Variants in ALPK1 observed in about 807,000 individuals in gnomAD.
ALPK1 encodes alpha kinase 1.
Under a neutral mutation model 120.6 loss-of-function variants are expected in ALPK1, and 110 were observed. That is an observed-to-expected ratio of 0.91 (90% confidence interval 0.78 to 1.07). ALPK1 has a LOEUF of 1.07. ALPK1 is among the 50% of genes least tolerant of loss of function. The pLI is 0.00. For missense variants in ALPK1, 1,498 were observed against 1,483.9 expected, an observed-to-expected ratio of 1.01 and a Z score of -0.16; for synonymous variants, 582 against 560.3, an observed-to-expected ratio of 1.04 and a Z score of -0.55.
intron 2 of ALPK1, among the ~76,000 whole-genome samples, chr4:112,344,960 T>C (rs1420266246): frequency 6.6e-6 from 1 of 152,246 alleles, no homozygotes; most frequent in Admixed American, 6.5e-5. Flanking sequence ...AGACTACTTT[T>C]TCGTATTTAA....
At chr4:112,364,563 G>C (rs12331882) in intron 2 of ALPK1, among the ~76,000 whole-genome samples, 1 of 151,786 alleles carries the variant, frequency 6.6e-6, no homozygotes, top group Admixed American at 6.6e-5. Context: ...GATTGAAATG[G>C]TAATTACCCC....
rs563805416 is a variant in ALPK1 at position 112,429,571 on chromosome 4, C to T, written c.900+318C>T. Among the ~76,000 whole-genome samples, 369 of 152,246 alleles carry T rather than the reference C, an allele frequency of 2.4e-3. 3 individuals carry two copies. Among genetic ancestry groups the T allele is most frequent in the Non-Finnish European group, 2.8e-3 (190 of 67,998 alleles). ...TATTCCTGCCAGGCATGGTGGCTCA[C>T]GCCTGTAATCCCATCACTTTGGGAG... On this transcript the variant is annotated intron_variant, in intron 10 of 15. Transcript: ENST00000650871.
chr4:112,365,134 A>G (rs1337079536), intron 2 of ALPK1, among the ~76,000 whole-genome samples: 1 of 152,164 alleles, frequency 6.6e-6, no homozygotes, highest in East Asian at 1.9e-4. Flanking sequence ...GCATTCCCCG[A>G]GAGCTGGAAC....
At chr4:112,341,591 A>G (rs554685222) in intron 2 of ALPK1, among the ~76,000 whole-genome samples, 1 of 152,246 alleles carries the variant, frequency 6.6e-6, no homozygotes, top group South Asian at 2.1e-4. Context: ...AAATTTATTG[A>G]TCTTCTCCTC....
chr4:112,436,657 C>G (rs1372950758), intron 12 of ALPK1, among the ~76,000 whole-genome samples: 2 of 152,226 alleles, frequency 1.3e-5, no homozygotes, highest in African/African-American at 4.8e-5. Flanking sequence ...AGCTGGGAGA[C>G]AGCCTGAAAC....
chr4:112,323,171 A>G (rs997366332), intron 2 of ALPK1, among the ~76,000 whole-genome samples: 7 of 151,962 alleles, frequency 4.6e-5, no homozygotes, highest in African/African-American at 1.2e-4. Flanking sequence ...TTTCACTTCC[A>G]CTGTCTGGAG....
intron 2 of ALPK1, among the ~76,000 whole-genome samples, chr4:112,366,560 G>T (rs145851097): frequency 0.021 from 3,139 of 152,264 alleles, 44 homozygotes; most frequent in Admixed American, 0.031. Flanking sequence ...ATAGATGTTG[G>T]CATGGATGTG....
chr4:112,386,402 T>G (rs1379068905), intron 4 of ALPK1, among the ~76,000 whole-genome samples: 1 of 152,238 alleles, frequency 6.6e-6, no homozygotes, highest in Non-Finnish European at 1.5e-5. Flanking sequence ...TTAATGTGGC[T>G]GTAATAGCTG....
chr4:112,378,746 T>C (rs2148727054), intron 3 of ALPK1, among the ~76,000 whole-genome samples: 1 of 152,374 alleles, frequency 6.6e-6, no homozygotes, highest in Non-Finnish European at 1.5e-5. Context: ...TCCTCATTTT[T>C]TGCTGTTGTT....
chr4:112,357,690 G>A lies in ALPK1; in HGVS notation c.-100-19988G>A, dbSNP rs1578496134. 1.9e-6 allele frequency: 3 copies of A among 1,586,774 alleles called. 1 individual carries two copies. Among genetic ancestry groups the A allele is most frequent in the South Asian group, 2.2e-5 (2 of 90,424 alleles). ...TCCCCAGAGGCCCCGACGGAGCCCAGTTGAGCTCCGCGTTTGACAGACGGT... is the reference window on the plus strand; with the variant it reads ...TCCCCAGAGGCCCCGACGGAGCCCAATTGAGCTCCGCGTTTGACAGACGGT... On this transcript the variant is annotated intron_variant, in intron 2 of 15. Coordinates refer to ENST00000650871, the MANE Select transcript of ALPK1 (RefSeq NM_025144.4).
At chr4:112,303,714 TC>T (rs1727891667) in intron 1 of ALPK1, among the ~76,000 whole-genome samples, 1 of 151,606 alleles carries the variant, frequency 6.6e-6, no homozygotes, top group Non-Finnish European at 1.5e-5. Flanking sequence ...CCCAGCCACA[TC>T]TTTTTTTTTT....
Position 112,441,440 on chromosome 4 carries a change from C to A in ALPK1, c.*230C>A. Reference sequence around the variant, plus strand: ...AAAGCAACATGGAAAACAGCCCCAACTCACCCATGAGGGATGAAAAGCACT... The same window carrying A: ...AAAGCAACATGGAAAACAGCCCCAAATCACCCATGAGGGATGAAAAGCACT... On this transcript the variant is annotated 3_prime_UTR_variant, in exon 16 of 16. Coordinates refer to ENST00000650871, the MANE Select transcript of ALPK1 (RefSeq NM_025144.4). 1 of 591,730 alleles carries A rather than the reference C, an allele frequency of 1.7e-6. No individual in the cohort carries two copies. Among genetic ancestry groups the A allele is most frequent in the Non-Finnish European group, 3.0e-6 (1 of 331,554 alleles). The allele number at this position is 591,730 out of a possible 1,614,324, so 36.7% of individuals were successfully genotyped here.
intron 12 of ALPK1, among the ~76,000 whole-genome samples, chr4:112,435,553 A>G (rs1006684218): frequency 2.0e-5 from 3 of 152,228 alleles, no homozygotes; most frequent in African/African-American, 2.4e-5. Context: ...AACATTGGCC[A>G]TACTGTACTG....
chr4:112,357,522 C>G, intron 2 of ALPK1: 1 of 904,496 alleles, frequency 1.1e-6, no homozygotes, highest in Non-Finnish European at 1.8e-6. Context: ...GCAAGCTGGT[C>G]TGTCAGGGCA....
intron 4 of ALPK1, among the ~76,000 whole-genome samples, chr4:112,408,981 T>C (rs1023443809): frequency 6.6e-6 from 1 of 152,246 alleles, no homozygotes; most frequent in Non-Finnish European, 1.5e-5. Context: ...ATTCCTAGAA[T>C]GGCACTCATG....
At chr4:112,433,886 A>G (rs1358375771) in intron 11 of ALPK1, among the ~76,000 whole-genome samples, 2 of 152,158 alleles carry the variant, frequency 1.3e-5, no homozygotes, top group African/African-American at 4.8e-5. Context: ...ATTTCCATCT[A>G]ATGGGTCTGG....
At chr4:112,436,323 G>A (rs1009667113) in intron 12 of ALPK1, among the ~76,000 whole-genome samples, 2 of 152,118 alleles carry the variant, frequency 1.3e-5, no homozygotes, top group Admixed American at 1.3e-4. Flanking sequence ...TTACAGATGA[G>A]GGAACTGAGT....
intron 2 of ALPK1, among the ~76,000 whole-genome samples, chr4:112,346,377 T>A (rs1424515890): frequency 6.6e-6 from 1 of 152,218 alleles, no homozygotes; most frequent in Non-Finnish European, 1.5e-5. Flanking sequence ...CTTAACGACA[T>A]TCATTGTGGA....
chr4:112,432,625 G>A (rs1457351232), intron 11 of ALPK1, 44 bp downstream of exon 11: 1 of 1,557,816 alleles, frequency 6.4e-7, no homozygotes, highest in Non-Finnish European at 8.7e-7. Flanking sequence ...GGAAGCAGCT[G>A]TGTTGGGGCA....
Sources: allele counts gnomAD v4.1 joint callset (sites outside exome capture counted in the v4.1 genomes callset), GRCh38; gene constraint gnomAD v4.1.1; transcripts MANE v1.5; gene names NCBI Gene and HGNC (gene_info 2026-07-23, HGNC 2026-07-21).